Variants in TBC1D5 observed in about 807,000 individuals in gnomAD.
TBC1D5 encodes TBC1 domain family member 5.
A neutral mutation model predicts 100.3 loss-of-function variants in TBC1D5; 75 were observed. That is an observed-to-expected ratio of 0.75 (90% CI 0.62 to 0.91). The LOEUF is 0.91. TBC1D5 is among the 40% of genes least tolerant of loss of function. The pLI is 0.00. For missense variants in TBC1D5, 910 were observed against 942.4 expected, an observed-to-expected ratio of 0.97 and a Z score of 0.45; for synonymous variants, 323 against 325.6, an observed-to-expected ratio of 0.99 and a Z score of 0.09.
chr3:17,176,296 G>T (rs2067721301), intron 19 of TBC1D5, among the ~76,000 whole-genome samples: 1 of 152,224 alleles, frequency 6.6e-6, no homozygotes, highest in Non-Finnish European at 1.5e-5. Flanking sequence ...ACTAATGGCA[G>T]TTGCTATTGT....
chr3:17,174,839 G>A (rs1043743757), intron 19 of TBC1D5, among the ~76,000 whole-genome samples: 6 of 152,070 alleles, frequency 3.9e-5, no homozygotes, highest in East Asian at 1.9e-4. Context: ...TGATCCGCCC[G>A]CCTCGGCCTC....
chr3:17,684,302 T>C (rs905861467), intron 1 of TBC1D5, among the ~76,000 whole-genome samples: 3 of 152,126 alleles, frequency 2.0e-5, no homozygotes, highest in African/African-American at 7.2e-5. Context: ...CAATTAAATA[T>C]TCATATATTC....
At chr3:17,647,425 G>C (rs1443609128) in intron 1 of TBC1D5, among the ~76,000 whole-genome samples, 1 of 152,158 alleles carries the variant, frequency 6.6e-6, no homozygotes, top group East Asian at 1.9e-4. Flanking sequence ...GGAAGTTGGC[G>C]TAGGGAAAGG....
chr3:17,166,415 G>C (rs2733483), intron 21 of TBC1D5, among the ~76,000 whole-genome samples: 99,757 of 152,112 alleles, frequency 0.66, 33,179 homozygotes, highest in East Asian at 0.9. Flanking sequence ...CTTCCTAAAG[G>C]GGAAAAGAGG....
chr3:17,503,210 T>C (rs2095805665), intron 3 of TBC1D5, among the ~76,000 whole-genome samples: 1 of 149,728 alleles, frequency 6.7e-6, no homozygotes, highest in Admixed American at 6.6e-5. Context: ...TGAAATTCTT[T>C]ATGTTTAGCA....
chr3:17,196,242 G>A (rs2070671545), intron 18 of TBC1D5, among the ~76,000 whole-genome samples: 1 of 152,138 alleles, frequency 6.6e-6, no homozygotes, highest in South Asian at 2.1e-4. Context: ...GTTTGGGGAG[G>A]GGCTCTGAAA....
intron 17 of TBC1D5, among the ~76,000 whole-genome samples, chr3:17,237,251 T>C (rs1304518126): frequency 1.3e-5 from 2 of 152,186 alleles, no homozygotes; most frequent in Non-Finnish European, 2.9e-5. Context: ...AGGATTGCTT[T>C]TTAAGTATTT....
At chr3:17,642,623 G>GT (rs1204802923) in intron 1 of TBC1D5, among the ~76,000 whole-genome samples, 1 of 152,056 alleles carries the variant, frequency 6.6e-6, no homozygotes, top group Non-Finnish European at 1.5e-5. Flanking sequence ...CACAACTCAG[G>GT]TATCTCTACA....
intron 2 of TBC1D5, among the ~76,000 whole-genome samples, chr3:17,573,211 C>CCAGT (rs1408384459): frequency 6.6e-6 from 1 of 152,020 alleles, no homozygotes; most frequent in Non-Finnish European, 1.5e-5. Context: ...AGGTCAAATG[C>CCAGT]CAGTATTTCC....
Position 17,485,384 on chromosome 3 carries a change from G to A in TBC1D5, c.97+23090C>T, listed in dbSNP as rs1020124824. Among the ~76,000 whole-genome samples, 11 of 151,216 alleles carry A rather than the reference G, an allele frequency of 7.3e-5. No homozygotes were observed. In the East Asian group the frequency reaches 2.1e-3, roughly 29 times the overall value. On this transcript the variant is annotated intron_variant, in intron 3 of 21. Transcript: ENST00000253692. The stretch of plus-strand genomic sequence containing the variant: ...GTTTTAGGGTACATGTGCACAATGT[G>A]CAGGTTAGTTACATATGTATACATG...
chr3:17,614,367 C>T (rs917228713), intron 2 of TBC1D5, among the ~76,000 whole-genome samples: 9 of 152,154 alleles, frequency 5.9e-5, no homozygotes, highest in African/African-American at 1.9e-4. Context: ...CTTCGCAATG[C>T]GGGCTCTTTT....
At chr3:17,418,898 A>G (rs1422140015) in intron 4 of TBC1D5, among the ~76,000 whole-genome samples, 1 of 152,192 alleles carries the variant, frequency 6.6e-6, no homozygotes, top group Non-Finnish European at 1.5e-5. Context: ...TTCATGGTTT[A>G]TACCAACCAC....
intron 15 of TBC1D5, among the ~76,000 whole-genome samples, chr3:17,282,280 C>A (rs2080693975): frequency 6.6e-6 from 1 of 152,162 alleles, no homozygotes; most frequent in Admixed American, 6.5e-5. Context: ...CGCTGTAATG[C>A]ATTTTAATAC....
At chr3:17,320,645 ATTTTATTCCAG>A (rs1354173234) in intron 13 of TBC1D5, among the ~76,000 whole-genome samples, 1 of 152,124 alleles carries the variant, frequency 6.6e-6, no homozygotes, top group African/African-American at 2.4e-5. Context: ...AACACTCATC[ATTTTATTCCAG>A]TTTTATTTAT....
intron 1 of TBC1D5, chr3:17,706,008 T>C: frequency 6.6e-7 from 1 of 1,512,016 alleles, no homozygotes; most frequent in Non-Finnish European, 8.9e-7. Context: ...GACGGAGTCT[T>C]GCTGTCACCC....
intron 3 of TBC1D5, among the ~76,000 whole-genome samples, chr3:17,477,489 T>G (rs1264003391): frequency 6.6e-6 from 1 of 152,042 alleles, no homozygotes; most frequent in Non-Finnish European, 1.5e-5. Flanking sequence ...TGGTGTTTTC[T>G]GTCTGGGATT....
chr3:17,551,691 CATTTG>C (rs1284917938), intron 2 of TBC1D5, among the ~76,000 whole-genome samples: 1 of 152,136 alleles, frequency 6.6e-6, no homozygotes, highest in Non-Finnish European at 1.5e-5. Flanking sequence ...ATTCTCAATA[CATTTG>C]AAAACTTTAC....
chr3:17,688,189 C>A lies in TBC1D5; in HGVS notation c.-101+51154G>T, dbSNP rs2070599898. ...ATATAAACTATTTCATATACAATAA[C>A]CCATTTCATATCAATATACATATAT... is the stretch of plus-strand genomic sequence containing the variant. On this transcript the variant is annotated intron_variant, in intron 1 of 21. Coordinates refer to ENST00000253692, the Ensembl canonical transcript of TBC1D5. 2.0e-5 allele frequency among the ~76,000 whole-genome samples: 3 copies of A among 152,076 alleles called. No individual in the cohort carries two copies. In the South Asian group the frequency reaches 6.2e-4, roughly 32 times the overall value.
chr3:17,456,686 C>T (rs2095092469), intron 3 of TBC1D5, among the ~76,000 whole-genome samples: 1 of 152,126 alleles, frequency 6.6e-6, no homozygotes, highest in Non-Finnish European at 1.5e-5. Flanking sequence ...TTATACACTG[C>T]TGGTGGCAAT....
Sources: allele counts gnomAD v4.1 joint callset (sites outside exome capture counted in the v4.1 genomes callset), GRCh38; gene constraint gnomAD v4.1.1; transcripts MANE v1.5; gene names NCBI Gene and HGNC (gene_info 2026-07-23, HGNC 2026-07-21).